CDH5: variants seen among roughly 807,000 people sequenced by gnomAD.
The protein encoded by CDH5 is cadherin-5.
Under a neutral mutation model 62.0 loss-of-function variants are expected in CDH5, and 28 were observed. The ratio of observed to expected loss-of-function variants is 0.45; its 90% CI spans 0.33 to 0.62. The LOEUF (loss-of-function observed/expected upper bound fraction) is 0.62. Among genes scored for constraint, CDH5 ranks in the 20% least tolerant of loss-of-function variants. The pLI, the probability that CDH5 is intolerant of heterozygous loss-of-function variation, is 0.02. For synonymous variants in CDH5, 464 were observed against 445.8 expected, an observed-to-expected ratio of 1.04 and a Z score of -0.52; for missense variants, 940 against 1,065.1, an observed-to-expected ratio of 0.88 and a Z score of 1.63.
In CDH5 at chr16:66,394,619, G is replaced by A. The variant is rs1017762094; in HGVS notation, c.1218-1440G>A. ...GGTGCATCCATTTTTATTTCTACCA[G>A]TGAGATTTACTTCTATCTGCAAAAT... On this transcript the variant is annotated intron_variant, in intron 7 of 11. Coordinates refer to ENST00000341529, the MANE Select transcript of CDH5 (RefSeq NM_001795.5). 5.5e-4 allele frequency among the ~76,000 whole-genome samples: 82 copies of A among 150,164 alleles called. 1 individual carries two copies. Among genetic ancestry groups the A allele is most frequent in the Non-Finnish European group, 1.0e-3 (69 of 67,784 alleles).
intron 2 of CDH5, among the ~76,000 whole-genome samples, chr16:66,384,451 A>G (rs1210846169): frequency 6.6e-6 from 1 of 151,636 alleles, no homozygotes; most frequent in African/African-American, 2.4e-5. Context: ...CCCTTGCTCT[A>G]TTTGACTTTA....
chr16:66,398,712 A>G, intron 10 of CDH5, 151 bp downstream of exon 10: 1 of 542,426 alleles, frequency 1.8e-6, no homozygotes, highest in East Asian at 3.2e-5. Flanking sequence ...AGCCCGGGCG[A>G]CAGAGCGAGA....
At chr16:66,397,874 C>T in intron 8 of CDH5, 108 bp from the exon 9 acceptor site, 2 of 1,281,826 alleles carry the variant, frequency 1.6e-6, no homozygotes, top group Admixed American at 1.7e-5. Flanking sequence ...CCACAGCCTC[C>T]TCCTGCAAAA....
chr16:66,377,411 G>C (rs1472578310), intron 1 of CDH5: 1 of 152,282 alleles, frequency 6.6e-6, no homozygotes, highest in South Asian at 2.1e-4. Context: ...CTTCCTCCAG[G>C]GCCAGAGGCA....
Position 66,403,175 on chromosome 16 carries a change from C to G in CDH5, c.*6C>G. The G allele has an allele frequency of 6.2e-7, 1 of 1,603,584 alleles. No individual in the cohort carries two copies. Reference sequence around the variant, plus strand: ...GGGAGGAGCTGCTGTATTAGGCGGCCGAGGTCACTCTGGGCCTGGGGACCC... The same window carrying G: ...GGGAGGAGCTGCTGTATTAGGCGGCGGAGGTCACTCTGGGCCTGGGGACCC... On this transcript the variant is annotated 3_prime_UTR_variant, in exon 12 of 12. Transcript: ENST00000341529. The surrounding 1 kb of genome is among the most constrained non-coding windows in gnomAD (Gnocchi z 4.3).
At chr16:66,402,436 G>A (rs1287577214) in intron 11 of CDH5, among the ~76,000 whole-genome samples, 2 of 124,106 alleles carry the variant, frequency 1.6e-5, no homozygotes, top group Admixed American at 1.6e-4. Context: ...GGTGTAGGGG[G>A]ATGGCGGGGA....
At chr16:66,385,887 A>T (rs2142324430) in intron 2 of CDH5, among the ~76,000 whole-genome samples, 1 of 152,370 alleles carries the variant, frequency 6.6e-6, no homozygotes, top group South Asian at 2.1e-4. Flanking sequence ...CTGAAAATTT[A>T]AGCTGGTTCT....
intron 1 of CDH5, among the ~76,000 whole-genome samples, chr16:66,370,746 C>T (rs1468156906): frequency 2.6e-5 from 4 of 152,268 alleles, no homozygotes; most frequent in East Asian, 1.9e-4. Context: ...AGAAGTAAAG[C>T]GTTAACCCAG....
intron 2 of CDH5, among the ~76,000 whole-genome samples, chr16:66,379,786 C>T (rs969946253): frequency 1.3e-5 from 2 of 149,356 alleles, no homozygotes; most frequent in Non-Finnish European, 1.5e-5. Flanking sequence ...TGGGAAAGGC[C>T]AAGGTGGTGG....
chr16:66,374,691 CTT>C (rs749896456), intron 1 of CDH5, among the ~76,000 whole-genome samples: 15 of 129,094 alleles, frequency 1.2e-4, no homozygotes, highest in Non-Finnish European at 1.3e-4. Flanking sequence ...AGCCGTGCAT[CTT>C]TTTTTTTTTT....
chr16:66,373,475 G>T (rs1014846235), intron 1 of CDH5, among the ~76,000 whole-genome samples: 1 of 151,362 alleles, frequency 6.6e-6, no homozygotes, highest in Non-Finnish European at 1.5e-5. Flanking sequence ...GAGTGCAGTG[G>T]CAGGATCTCA....
intron 2 of CDH5, among the ~76,000 whole-genome samples, chr16:66,382,067 C>T (rs955098354): frequency 2.6e-5 from 4 of 152,204 alleles, no homozygotes; most frequent in Non-Finnish European, 5.9e-5. Flanking sequence ...CCAGAAATGC[C>T]CCAGCAGACC....
In CDH5 at chr16:66,402,636, G is replaced by A. The variant is rs1376245862; in HGVS notation, c.1838-16G>A. ...CCAGCCTTGTCTGACTCTGCTGCTCGGCTCCCTGGCTGCAGTGATCACCCT... is the reference window on the plus strand; with the variant it reads ...CCAGCCTTGTCTGACTCTGCTGCTCAGCTCCCTGGCTGCAGTGATCACCCT... On this transcript the variant is annotated splice_polypyrimidine_tract_variant and intron_variant, in intron 11 of 11. Transcript: ENST00000341529. 6.4e-7 allele frequency: 1 copy of A among 1,553,180 alleles called. No individual in the cohort carries two copies. Among genetic ancestry groups the A allele is most frequent in the South Asian group, 1.2e-5 (1 of 80,222 alleles).
At position 66,376,107 on chromosome 16, in the gene CDH5, AAAT is replaced by A. The variant is rs910401716; in HGVS notation, c.-19-3206_-19-3204del. ...GAACAAAACTCTGTCTCAAAGGAAAAAATAATAAATAAATAAATAAATAAATAA... is the reference window on the plus strand; with the variant it reads ...GAACAAAACTCTGTCTCAAAGGAAAAAATAAATAAATAAATAAATAAATAA... On this transcript the variant is annotated intron_variant, in intron 1 of 11. Coordinates refer to ENST00000341529, the MANE Select transcript of CDH5 (RefSeq NM_001795.5). 1.2e-4 allele frequency among the ~76,000 whole-genome samples: 13 copies of A among 112,498 alleles called. No homozygotes were observed. The East Asian group carries it at 2.6e-3, about 23-fold the overall frequency. The allele number at this position is 112,498 out of a possible 152,430, so 73.8% of individuals were successfully genotyped here. A position where few individuals can be genotyped will look rare whatever the true frequency, so the allele number is the denominator to read the frequency against.
rs1471852200 is a variant in CDH5, at chr16:66,403,239, C to T, written c.*70C>T. 9.9e-6 allele frequency: 14 copies of T among 1,412,690 alleles called. No individual in the cohort carries two copies. Among genetic ancestry groups the T allele is most frequent in the Non-Finnish European group, 1.3e-5 (14 of 1,049,764 alleles). The allele number at this position is 1,412,690 out of a possible 1,614,324, so 87.5% of individuals were successfully genotyped here. ...CCCAGGCCAGTCAGACGCCAGGCAC[C>T]ACAGCCTCCAAAAATGGCAGTGACT... On this transcript the variant is annotated 3_prime_UTR_variant, in exon 12 of 12. Transcript: ENST00000341529. This position sits in a 1 kb window ranked among gnomAD's most constrained non-coding sequence, Gnocchi z 4.3.
intron 9 of CDH5, 97 bp from the exon 10 acceptor site, chr16:66,398,353 CAGCCAT>C: frequency 1.2e-6 from 1 of 851,914 alleles, no homozygotes; most frequent in Non-Finnish European, 2.0e-6. Flanking sequence ...AGGTGGGAAA[CAGCCAT>C]GGTCAGGACT....
chr16:66,376,606 C>T (rs548183397), intron 1 of CDH5: 2 of 152,270 alleles, frequency 1.3e-5, no homozygotes, highest in East Asian at 3.9e-4. Context: ...TTGAGGTACC[C>T]AGAGACCAGC....
chr16:66,373,432 G>A (rs115977544), intron 1 of CDH5, among the ~76,000 whole-genome samples: 5,899 of 142,966 alleles, frequency 0.041, 378 homozygotes, highest in African/African-American at 0.14. Flanking sequence ...TTTTTGAGAC[G>A]AAGTCTTGCT....
intron 10 of CDH5, among the ~76,000 whole-genome samples, chr16:66,399,358 T>G (rs559758407): frequency 4.3e-4 from 66 of 152,324 alleles, no homozygotes; most frequent in Non-Finnish European, 7.9e-4. Flanking sequence ...CCCTTGGGTT[T>G]AAATAGAGTG....
Sources: gnomAD v4.1 joint callset for allele counts (sites outside exome capture counted in the v4.1 genomes callset) on GRCh38, gnomAD v4.1.1 for gene constraint, Gnocchi (gnomAD v3.1) non-coding constraint, MANE v1.5 for transcripts, NCBI Gene and HGNC (gene_info 2026-07-23, HGNC 2026-07-21) for gene names.